TMEM200A: variants seen among roughly 807,000 people sequenced by gnomAD.
TMEM200A encodes transmembrane protein 200A.
Under a neutral mutation model 24.3 loss-of-function variants are expected in TMEM200A, and 12 were observed. That is an observed-to-expected ratio of 0.49 (90% CI 0.32 to 0.80). The LOEUF is 0.80. Ranked by LOEUF, TMEM200A falls within the 30% of genes least tolerant of loss-of-function variation. The probability of loss-of-function intolerance (pLI) is 0.04; values close to 1 mark genes in which losing one functional copy is unlikely to be tolerated. For missense variants in TMEM200A, 545 were observed against 614.4 expected (o/e 0.89, Z 1.19); for synonymous variants, 224 against 224.4 (o/e 1.00, Z 0.02).
At chr6:130,414,743 T>G (rs1779410346) in intron 2 of TMEM200A, among the ~76,000 whole-genome samples, 1 of 152,210 alleles carries the variant, frequency 6.6e-6, no homozygotes, top group Non-Finnish European at 1.5e-5. Context: ...GTTCTCTGGA[T>G]TCCACCTTCA....
intron 2 of TMEM200A, among the ~76,000 whole-genome samples, chr6:130,426,557 A>G (rs1779749718): frequency 6.6e-6 from 1 of 150,602 alleles, no homozygotes; most frequent in South Asian, 2.2e-4. Flanking sequence ...CTGAAGTCGC[A>G]GGATATTCTC....
intron 1 of TMEM200A, among the ~76,000 whole-genome samples, chr6:130,374,194 G>T (rs1203465518): frequency 6.6e-6 from 1 of 152,036 alleles, no homozygotes; most frequent in African/African-American, 2.4e-5. Context: ...GCCCCTTTTT[G>T]CAGAGCTAAA....
intron 2 of TMEM200A, among the ~76,000 whole-genome samples, chr6:130,435,819 A>G (rs536226540): frequency 6.6e-6 from 1 of 152,228 alleles, no homozygotes; most frequent in Non-Finnish European, 1.5e-5. Flanking sequence ...CCTGTCAGGC[A>G]TGCTGGAGAG....
chr6:130,424,527 T>A (rs1418283700), intron 2 of TMEM200A, among the ~76,000 whole-genome samples: 1 of 152,206 alleles, frequency 6.6e-6, no homozygotes, highest in Admixed American at 6.6e-5. Context: ...CTTTTTTCTT[T>A]CTTTTTTTCT....
At chr6:130,391,619 G>A (rs1451975814) in intron 2 of TMEM200A, among the ~76,000 whole-genome samples, 1 of 150,374 alleles carries the variant, frequency 6.7e-6, no homozygotes, top group African/African-American at 2.4e-5. Context: ...TTAGCTCATA[G>A]TATTACTAGA....
chr6:130,428,354 T>TCTTCCCCAATACAACTTTCTC (rs1779796439), intron 2 of TMEM200A, among the ~76,000 whole-genome samples: 1 of 152,184 alleles, frequency 6.6e-6, no homozygotes, highest in Non-Finnish European at 1.5e-5. Flanking sequence ...TCCATAATTT[T>TCTTCCCCAATACAACTTTCTC]CTTCCCCAAT....
rs538195222 is a variant in TMEM200A at position 130,393,204 on chromosome 6, A to G, written c.-17+7968A>G. Among the ~76,000 whole-genome samples the G allele has an allele frequency of 2.4e-4, 37 of 152,340 alleles. 1 individual carries two copies. Among genetic ancestry groups the G allele is most frequent in the African/African-American group, 8.2e-4 (34 of 41,580 alleles). On this transcript the variant is annotated intron_variant, in intron 2 of 2. Coordinates refer to ENST00000296978, the MANE Select transcript of TMEM200A (RefSeq NM_001258277.2). Reference sequence around the variant, plus strand: ...TCAGAGGTCCTAGCTGAGTAAGTTAATCGGCAGTAGGTAGTAGAGAGAGGA... The same window carrying G: ...TCAGAGGTCCTAGCTGAGTAAGTTAGTCGGCAGTAGGTAGTAGAGAGAGGA...
At chr6:130,427,830 G>A (rs1009707936) in intron 2 of TMEM200A, among the ~76,000 whole-genome samples, 2 of 151,580 alleles carry the variant, frequency 1.3e-5, no homozygotes, top group Admixed American at 1.3e-4. Context: ...TTTGTTAACA[G>A]AACATTTCTG....
rs373195731 is a variant in TMEM200A, at chr6:130,408,815, A to G, written c.-17+23579A>G. ...GTTTTTCTAGTTTGGTTGTTTCTGC[A>G]TTGACACCATTGATGAGGGTGCCAC... On this transcript the variant is annotated intron_variant, in intron 2 of 2. Coordinates refer to ENST00000296978, the MANE Select transcript of TMEM200A (RefSeq NM_001258277.2). Among the ~76,000 whole-genome samples the G allele has an allele frequency of 1.1e-4, 16 of 152,274 alleles. 2 individuals are homozygous for G. Among genetic ancestry groups the G allele is most frequent in the African/African-American group, 1.2e-4 (5 of 41,560 alleles).
At chr6:130,389,201 A>G (rs1181486784) in intron 2 of TMEM200A, among the ~76,000 whole-genome samples, 2 of 152,192 alleles carry the variant, frequency 1.3e-5, no homozygotes, top group African/African-American at 2.4e-5. Context: ...AAGATTTAGT[A>G]TTGATAAAAA....
intron 2 of TMEM200A, among the ~76,000 whole-genome samples, chr6:130,426,333 A>G (rs1779737504): frequency 1.3e-5 from 2 of 152,182 alleles, no homozygotes; most frequent in Admixed American, 6.6e-5. Flanking sequence ...ATGAAACAGG[A>G]CAAACGGAGG....
chr6:130,370,156 C>A (rs1778285493), intron 1 of TMEM200A, among the ~76,000 whole-genome samples: 1 of 152,174 alleles, frequency 6.6e-6, no homozygotes. Flanking sequence ...TATTCTGAGG[C>A]ACTCTTTCTG....
At chr6:130,433,130 G>A (rs939695629) in intron 2 of TMEM200A, among the ~76,000 whole-genome samples, 2 of 150,104 alleles carry the variant, frequency 1.3e-5, no homozygotes, top group Non-Finnish European at 3.0e-5. Context: ...CATGCTAAAA[G>A]ATGATCTTTT....
In TMEM200A at chr6:130,442,131, CTT is replaced by C. The variant is rs1780210477; in HGVS notation, c.*236_*237del. ...TTCTCTTCCTTTGAAAGCATGATCTCTTTTATTAATATGAATGCAAAATGCTT... is the reference window on the plus strand; with the variant it reads ...TTCTCTTCCTTTGAAAGCATGATCTCTTATTAATATGAATGCAAAATGCTT... On this transcript the variant is annotated 3_prime_UTR_variant, in exon 3 of 3. Transcript: ENST00000296978. The C allele has an allele frequency of 5.2e-6, 2 of 383,530 alleles. No homozygotes were observed. The highest frequency in any genetic ancestry group is 4.2e-5 in the African/African-American group (2 of 48,116). 23.8% of individuals were successfully genotyped at this position (383,530 alleles called of 1,614,324 possible).
At chr6:130,403,465 T>A (rs1161304525) in intron 2 of TMEM200A, among the ~76,000 whole-genome samples, 1 of 152,140 alleles carries the variant, frequency 6.6e-6, no homozygotes, top group East Asian at 1.9e-4. Flanking sequence ...TTCACAATGG[T>A]GATTATTTAT....
At chr6:130,427,716 C>A (rs1000844021) in intron 2 of TMEM200A, among the ~76,000 whole-genome samples, 1 of 150,930 alleles carries the variant, frequency 6.6e-6, no homozygotes, top group African/African-American at 2.4e-5. Flanking sequence ...CATAATCAAT[C>A]TTTTTGTCTT....
At chr6:130,384,962 C>T (rs1189581276) in intron 1 of TMEM200A, among the ~76,000 whole-genome samples, 1 of 152,176 alleles carries the variant, frequency 6.6e-6, no homozygotes, top group Non-Finnish European at 1.5e-5. Flanking sequence ...ATGGATTTAT[C>T]TCTATCATAG....
intron 2 of TMEM200A, among the ~76,000 whole-genome samples, chr6:130,418,478 C>A (rs902224853): frequency 6.6e-6 from 1 of 152,084 alleles, no homozygotes; most frequent in Non-Finnish European, 1.5e-5. Flanking sequence ...GATTTGCAAA[C>A]CTTTAAAATT....
chr6:130,423,132 T>C (rs1027346084), intron 2 of TMEM200A, among the ~76,000 whole-genome samples: 1 of 152,220 alleles, frequency 6.6e-6, no homozygotes, highest in Admixed American at 6.5e-5. Flanking sequence ...ATTAAAATTA[T>C]ATTTAGTTAG....
Sources: allele counts gnomAD v4.1 joint callset (sites outside exome capture counted in the v4.1 genomes callset), GRCh38; gene constraint gnomAD v4.1.1; transcripts MANE v1.5; gene names NCBI Gene and HGNC (gene_info 2026-07-23, HGNC 2026-07-21).